The following RFC1 variants were observed in gnomAD, a reference collection of about 807,000 sequenced individuals.
The protein encoded by RFC1 is A1 140 kDa subunit.
In RFC1, 37 loss-of-function variants were observed where a neutral mutation model predicts 137.4. The ratio of observed to expected loss-of-function variants is 0.27; its 90% CI spans 0.21 to 0.35. The LOEUF is 0.35. RFC1 is among the 10% of genes least tolerant of loss of function. RFC1 has a pLI of 1.00. For missense variants in RFC1, 1,205 were observed against 1,358.5 expected (o/e 0.89, Z 1.78); for synonymous variants, 429 against 455.7 (o/e 0.94, Z 0.75).
intron 19 of RFC1, among the ~76,000 whole-genome samples, chr4:39,300,869 G>A (rs1036837378): frequency 8.6e-5 from 13 of 151,996 alleles, no homozygotes; most frequent in African/African-American, 3.1e-4. Context: ...TGAGGTGGGC[G>A]GATCACTTGA....
At chr4:39,315,675 A>G (rs543208814) in intron 10 of RFC1, among the ~76,000 whole-genome samples, 5 of 152,192 alleles carry the variant, frequency 3.3e-5, no homozygotes, top group Non-Finnish European at 7.3e-5. Flanking sequence ...GCTCATGCCA[A>G]TAACAAGATC....
intron 11 of RFC1, 57 bp from the exon 12 acceptor site, chr4:39,311,606 C>A: frequency 7.3e-7 from 1 of 1,371,878 alleles, no homozygotes; most frequent in Non-Finnish European, 1.0e-6. Flanking sequence ...CCATTCCCTT[C>A]TCTTACAAAA....
intron 9 of RFC1, 108 bp downstream of exon 9, chr4:39,320,275 G>A: frequency 2.0e-6 from 2 of 983,794 alleles, no homozygotes; most frequent in Non-Finnish European, 2.8e-6. Flanking sequence ...CTTGAACCTG[G>A]GAGGCAGAGG....
chr4:39,314,687 T>C (rs1186133008), intron 10 of RFC1, among the ~76,000 whole-genome samples: 1 of 152,052 alleles, frequency 6.6e-6, no homozygotes, highest in Non-Finnish European at 1.5e-5. Context: ...ATAAGCCCCT[T>C]AAGGCCGACC....
At position 39,316,990 on chromosome 4, in the gene RFC1, G is replaced by T. The variant is rs1739270672; in HGVS notation, c.1128C>A (p.Arg376=). The change falls in exon 10 of 25, where the codon CGC becomes CGA. Residue 376 remains arginine (R), a synonymous_variant. Coordinates refer to ENST00000349703, the MANE Select transcript of RFC1 (RefSeq NM_002913.5). The part of the protein sequence containing the change: ...SVSPEDSEKK[R]TNYQAYRSYL... ...AGCTTCGATAAGCTTGATAATTAGT[G>T]CGTTTCTTTTCAGAATCTTCAGGAC... 1.9e-6 allele frequency: 3 copies of T among 1,613,848 alleles called. No individual in the cohort carries two copies. Among genetic ancestry groups the T allele is most frequent in the Admixed American group, 3.3e-5 (2 of 60,002 alleles).
intron 1 of RFC1, chr4:39,365,374 CG>C: frequency 1.3e-6 from 1 of 743,714 alleles, no homozygotes; most frequent in Non-Finnish European, 1.6e-6. Flanking sequence ...AAAATTATAT[CG>C]GATTGTTAAG....
At chr4:39,289,399 T>C (rs1737543627) in intron 24 of RFC1, among the ~76,000 whole-genome samples, 1 of 152,220 alleles carries the variant, frequency 6.6e-6, no homozygotes, top group Non-Finnish European at 1.5e-5. Flanking sequence ...TGAGGTTCCT[T>C]GGCTCAGCCA....
chr4:39,290,882 T>A (rs10029074), intron 23 of RFC1, among the ~76,000 whole-genome samples: 3 of 151,228 alleles, frequency 2.0e-5, no homozygotes, highest in Admixed American at 2.0e-4. Flanking sequence ...CACAAAACAC[T>A]AGATACCTTT....
chr4:39,298,000 C>T (rs1326158669), intron 21 of RFC1, among the ~76,000 whole-genome samples: 1 of 152,052 alleles, frequency 6.6e-6, no homozygotes, highest in Non-Finnish European at 1.5e-5. Context: ...GTAAACAAAA[C>T]AAAACACATA....
chr4:39,341,230 C>G (rs56130929), intron 4 of RFC1, among the ~76,000 whole-genome samples: 1 of 152,186 alleles, frequency 6.6e-6, no homozygotes, highest in Non-Finnish European at 1.5e-5. Flanking sequence ...CTGGAAAGCC[C>G]TATCACACCA....
intron 4 of RFC1, among the ~76,000 whole-genome samples, chr4:39,335,091 G>A (rs1186886188): frequency 6.6e-6 from 1 of 152,110 alleles, no homozygotes; most frequent in Non-Finnish European, 1.5e-5. Flanking sequence ...CTTTGGTCTA[G>A]AATACACAAA....
chr4:39,357,743 A>G (rs916167134), intron 1 of RFC1, among the ~76,000 whole-genome samples: 3 of 151,794 alleles, frequency 2.0e-5, no homozygotes, highest in Non-Finnish European at 2.9e-5. Context: ...CAGCCTCCCA[A>G]GTAGCTGGGA....
intron 15 of RFC1, 127 bp from the exon 16 acceptor site, chr4:39,303,278 G>T: frequency 1.6e-6 from 1 of 616,396 alleles, no homozygotes; most frequent in Non-Finnish European, 2.9e-6. Flanking sequence ...TGCAGCACTG[G>T]ACTACAGAGT....
At chr4:39,365,153 G>GAAAAAAA (rs745527928) in intron 1 of RFC1, among the ~76,000 whole-genome samples, 29 of 79,806 alleles carry the variant, frequency 3.6e-4, no homozygotes, top group Middle Eastern at 0.01. Flanking sequence ...GGGTTGAAAT[G>GAAAAAAA]AAAAAAAAAA....
chr4:39,341,997 C>A (rs1531850), intron 4 of RFC1, among the ~76,000 whole-genome samples: 64,537 of 151,998 alleles, frequency 0.42, 16,296 homozygotes, highest in East Asian at 0.63. Context: ...TGAGTAATCA[C>A]TCTACACTTA....
intron 1 of RFC1, among the ~76,000 whole-genome samples, chr4:39,362,057 CA>C (rs1302225303): frequency 5.9e-5 from 9 of 152,000 alleles, no homozygotes; most frequent in Non-Finnish European, 1.3e-4. Flanking sequence ...AAATCAGTTC[CA>C]TTAAAAAAAT....
chr4:39,302,213 G>T, intron 19 of RFC1, 65 bp downstream of exon 19: 3 of 964,296 alleles, frequency 3.1e-6, no homozygotes, highest in South Asian at 2.6e-5. Context: ...CTTCTATCAA[G>T]CTACCTACAG....
chr4:39,320,954 CT>C (rs1739490766), intron 8 of RFC1, among the ~76,000 whole-genome samples: 1 of 152,146 alleles, frequency 6.6e-6, no homozygotes, highest in Non-Finnish European at 1.5e-5. Flanking sequence ...TATGAGTCAA[CT>C]CTGAGACTAC....
intron 8 of RFC1, 126 bp downstream of exon 8, chr4:39,321,161 A>C: frequency 1.3e-6 from 1 of 744,412 alleles, no homozygotes; most frequent in Non-Finnish European, 2.2e-6. Flanking sequence ...ATATGCTCTA[A>C]TAGTCCTGTG....
Sources: allele counts gnomAD v4.1 joint callset (sites outside exome capture counted in the v4.1 genomes callset), GRCh38; gene constraint gnomAD v4.1.1; transcripts MANE v1.5; gene names NCBI Gene and HGNC (gene_info 2026-07-23, HGNC 2026-07-21).